The following GTF2F2 variants were observed in gnomAD, a reference collection of about 807,000 sequenced individuals.
GTF2F2 encodes general transcription factor IIF subunit 2.
In GTF2F2, 23 loss-of-function variants were observed where a neutral mutation model predicts 42.2. That is an observed-to-expected ratio of 0.55 (90% CI 0.39 to 0.77). GTF2F2 has a LOEUF of 0.77. Among genes scored for constraint, GTF2F2 ranks in the 30% least tolerant of loss-of-function variants. The probability of loss-of-function intolerance (pLI) is 0.00; values close to 1 mark genes in which losing one functional copy is unlikely to be tolerated. For missense variants in GTF2F2, 261 were observed against 287.2 expected (o/e 0.91, Z 0.66); for synonymous variants, 105 against 100.8 (o/e 1.04, Z -0.25).
chr13:45,228,644 TCTC>T (rs1156613069), intron 5 of GTF2F2, among the ~76,000 whole-genome samples: 2 of 151,260 alleles, frequency 1.3e-5, no homozygotes, highest in African/African-American at 4.9e-5. Context: ...CTCGCCTCAT[TCTC>T]CTTATTGCTG....
At chr13:45,263,065 G>A (rs7990986) in intron 6 of GTF2F2, among the ~76,000 whole-genome samples, 49,668 of 151,976 alleles carry the variant, frequency 0.33, 10,318 homozygotes, top group African/African-American at 0.59. Context: ...AAATTATCCC[G>A]TAGTTAAACA....
At chr13:45,127,350 G>A (rs534063886) in intron 1 of GTF2F2, among the ~76,000 whole-genome samples, 1 of 151,934 alleles carries the variant, frequency 6.6e-6, no homozygotes, top group East Asian at 1.9e-4. Flanking sequence ...TTTTGAGACA[G>A]GGTCTCACTC....
rs191762887 is a variant in GTF2F2, at chr13:45,155,472, T to C, written c.304+3641T>C. Reference sequence around the variant, plus strand: ...GTTTTAATAACTTTACTCCTGTTAATGTGATTTTGCTGGTTTTTGAGAGGT... The same window carrying C: ...GTTTTAATAACTTTACTCCTGTTAACGTGATTTTGCTGGTTTTTGAGAGGT... On this transcript the variant is annotated intron_variant, in intron 4 of 7. Transcript: ENST00000340473. Among the ~76,000 whole-genome samples the C allele has an allele frequency of 2.1e-4, 32 of 152,368 alleles. 1 individual carries two copies. The highest frequency in any genetic ancestry group is 7.0e-4 in the African/African-American group (29 of 41,598).
intron 2 of GTF2F2, among the ~76,000 whole-genome samples, chr13:45,145,982 A>G (rs1161765969): frequency 6.6e-6 from 1 of 152,114 alleles, no homozygotes; most frequent in Non-Finnish European, 1.5e-5. Context: ...AGGCTCTGAC[A>G]CATTTCTTAC....
At position 45,163,568 on chromosome 13, in the gene GTF2F2, G is replaced by A. The variant is rs1871133714; in HGVS notation, c.304+11737G>A. On this transcript the variant is annotated intron_variant, in intron 4 of 7. Coordinates refer to ENST00000340473, the MANE Select transcript of GTF2F2 (RefSeq NM_004128.3). Reference sequence around the variant, plus strand: ...AAGAAAAAAAGTAAATTACTTAGTCGCGGTATTAAAACTAAGTAATTGAAA... The same window carrying A: ...AAGAAAAAAAGTAAATTACTTAGTCACGGTATTAAAACTAAGTAATTGAAA... Among the ~76,000 whole-genome samples, 3 of 151,908 alleles carry A rather than the reference G, an allele frequency of 2.0e-5. 1 individual carries two copies. The highest frequency in any genetic ancestry group is 4.2e-4 in the South Asian group (2 of 4,814).
At chr13:45,261,749 G>A (rs1004306705) in intron 6 of GTF2F2, among the ~76,000 whole-genome samples, 7 of 152,092 alleles carry the variant, frequency 4.6e-5, no homozygotes, top group Admixed American at 2.6e-4. Flanking sequence ...AAGGCAAGGA[G>A]CTAAAAAGAG....
At chr13:45,238,749 A>G (rs1875127760) in intron 5 of GTF2F2, among the ~76,000 whole-genome samples, 1 of 152,074 alleles carries the variant, frequency 6.6e-6, no homozygotes, top group Non-Finnish European at 1.5e-5. Context: ...GTTCGAGACC[A>G]GCCTGACCAA....
At chr13:45,265,207 C>G (rs948629733) in intron 6 of GTF2F2, among the ~76,000 whole-genome samples, 1 of 150,874 alleles carries the variant, frequency 6.6e-6, no homozygotes, top group African/African-American at 2.4e-5. Flanking sequence ...TGTGGTGAGC[C>G]GAGATTGCAC....
chr13:45,163,365 T>A (rs564173765), intron 4 of GTF2F2, among the ~76,000 whole-genome samples: 147 of 152,088 alleles, frequency 9.7e-4, no homozygotes, highest in African/African-American at 3.4e-3. Context: ...TGATTCCCCA[T>A]CTCTACTAAA....
chr13:45,269,662 G>T (rs889212120), intron 7 of GTF2F2, among the ~76,000 whole-genome samples: 7 of 152,200 alleles, frequency 4.6e-5, no homozygotes, highest in Non-Finnish European at 8.8e-5. Context: ...ACCTGGATTT[G>T]GAGTATGAGA....
At chr13:45,203,872 T>A (rs1259061691) in intron 4 of GTF2F2, among the ~76,000 whole-genome samples, 2 of 152,206 alleles carry the variant, frequency 1.3e-5, no homozygotes, top group Non-Finnish European at 2.9e-5. Context: ...ATGATTTATG[T>A]ACCTGTCTTA....
intron 5 of GTF2F2, among the ~76,000 whole-genome samples, chr13:45,230,785 C>T (rs1277616577): frequency 2.0e-5 from 3 of 152,172 alleles, no homozygotes; most frequent in Non-Finnish European, 2.9e-5. Context: ...AATACCACTA[C>T]CATCTACTAA....
intron 4 of GTF2F2, among the ~76,000 whole-genome samples, chr13:45,200,838 G>A (rs534437287): frequency 1.3e-5 from 2 of 152,306 alleles, no homozygotes; most frequent in South Asian, 2.1e-4. Flanking sequence ...TTCTTGAAAA[G>A]ATTATTTCTT....
chr13:45,182,181 C>T (rs528658130), intron 4 of GTF2F2, among the ~76,000 whole-genome samples: 3 of 152,218 alleles, frequency 2.0e-5, no homozygotes, highest in African/African-American at 4.8e-5. Flanking sequence ...GAGACAGTCT[C>T]GCTCTGTTGC....
At chr13:45,144,866 G>A (rs1185933340) in intron 2 of GTF2F2, among the ~76,000 whole-genome samples, 1 of 152,088 alleles carries the variant, frequency 6.6e-6, no homozygotes, top group Non-Finnish European at 1.5e-5. Flanking sequence ...TATGATGACG[G>A]GAGTTCAATT....
rs148765370 is a variant in GTF2F2 at position 45,137,169 on chromosome 13, C to G, written c.140+363C>G. Among the ~76,000 whole-genome samples, 1,014 of 152,316 alleles carry G rather than the reference C, an allele frequency of 6.7e-3. 5 individuals are homozygous for G. The highest frequency in any genetic ancestry group is 0.011 in the Non-Finnish European group (757 of 68,022). ...CTGGATGCACCAAGGAAAGTACTTGCAGCAGGACTTTGCCACTGTACCACT... is the reference window on the plus strand; with the variant it reads ...CTGGATGCACCAAGGAAAGTACTTGGAGCAGGACTTTGCCACTGTACCACT... On this transcript the variant is annotated intron_variant, in intron 2 of 7. Coordinates refer to ENST00000340473, the MANE Select transcript of GTF2F2 (RefSeq NM_004128.3).
At position 45,262,314 on chromosome 13, in the gene GTF2F2, C is replaced by T. The variant is rs185238761; in HGVS notation, c.487-4919C>T. The stretch of plus-strand genomic sequence containing the variant: ...ATTTGATCCCAGGAGGTTGAGACTG[C>T]GATGAGCTATGATCACACCACTGCA... On this transcript the variant is annotated intron_variant, in intron 6 of 7. Transcript: ENST00000340473. Among the ~76,000 whole-genome samples the T allele has an allele frequency of 1.4e-3, 209 of 152,192 alleles. 1 individual carries two copies. The highest frequency in any genetic ancestry group is 6.8e-3 in the Middle Eastern group (2 of 294).
intron 5 of GTF2F2, among the ~76,000 whole-genome samples, chr13:45,248,636 GC>G (rs1358739365): frequency 6.6e-6 from 1 of 151,998 alleles, no homozygotes; most frequent in African/African-American, 2.4e-5. Context: ...ACCATGCCCG[GC>G]TGATTTTTTT....
At chr13:45,193,991 T>C (rs1385551241) in intron 4 of GTF2F2, 1 of 1,613,894 alleles carries the variant, frequency 6.2e-7, no homozygotes, top group Non-Finnish European at 8.5e-7. Flanking sequence ...AATTGGATGA[T>C]ATTTGACGAT....
Sources: gnomAD v4.1 joint callset for allele counts (sites outside exome capture counted in the v4.1 genomes callset) on GRCh38, gnomAD v4.1.1 for gene constraint, MANE v1.5 for transcripts, NCBI Gene and HGNC (gene_info 2026-07-23, HGNC 2026-07-21) for gene names.